The following EXOC2 variants were observed in gnomAD, a reference collection of about 807,000 sequenced individuals.
The protein encoded by EXOC2 is SEC5-like 1.
In EXOC2, 70 loss-of-function variants were observed where a neutral mutation model predicts 131.8. That is an observed-to-expected ratio of 0.53 (90% confidence interval 0.44 to 0.65). The LOEUF (loss-of-function observed/expected upper bound fraction) is 0.65. Among genes scored for constraint, EXOC2 ranks in the 30% least tolerant of loss-of-function variants. EXOC2 has a pLI of 0.00. For synonymous variants in EXOC2, 411 were observed against 398.4 expected (o/e 1.03, Z -0.38); for missense variants, 923 against 1,108.6 (o/e 0.83, Z 2.38).
At chr6:685,031 C>G (rs932816700) in intron 1 of EXOC2, among the ~76,000 whole-genome samples, 1 of 152,100 alleles carries the variant, frequency 6.6e-6, no homozygotes, top group African/African-American at 2.4e-5. Context: ...AGGATAACCT[C>G]TACTCAACAG....
At chr6:623,998 A>T (rs1190841889) in intron 4 of EXOC2, among the ~76,000 whole-genome samples, 1 of 152,214 alleles carries the variant, frequency 6.6e-6, no homozygotes, top group African/African-American at 2.4e-5. Context: ...TCTGCCATCA[A>T]TGAATATTGT....
At chr6:594,630 G>T (rs1025811277) in intron 10 of EXOC2, among the ~76,000 whole-genome samples, 9 of 152,202 alleles carry the variant, frequency 5.9e-5, no homozygotes, top group African/African-American at 2.2e-4. Flanking sequence ...TACATTATAC[G>T]TCTCTTTAAA....
rs771265238 is a variant in EXOC2, at chr6:633,188, AT to A, written c.119-72del. ...ATAAGACCTTAATCGTGTAGATTAC[AT>A]TTTTTAAATCTAGTCTTGTTCAATA... On this transcript the variant is annotated intron_variant, in intron 2 of 27. Transcript: ENST00000230449. 81 of 1,498,746 alleles carry A rather than the reference AT, an allele frequency of 5.4e-5. No homozygotes were observed. In the Middle Eastern group the frequency reaches 2.1e-3, roughly 39 times the overall value. The allele number at this position is 1,498,746 out of a possible 1,614,324, so 92.8% of individuals were successfully genotyped here.
Position 571,879 on chromosome 6 carries a change from G to A in EXOC2, c.1443+641C>T, listed in dbSNP as rs1758294643. Among the ~76,000 whole-genome samples the A allele has an allele frequency of 1.3e-5, 2 of 152,216 alleles. 1 individual carries two copies. The highest frequency in any genetic ancestry group is 4.1e-4 in the South Asian group (2 of 4,830). On this transcript the variant is annotated intron_variant, in intron 13 of 27. Transcript: ENST00000230449. ...GGAGGCCTTTCATGGCGCACTTGAG[G>A]TGAGGTTAGAAAGTGACTGACTTCC...
intron 23 of EXOC2, among the ~76,000 whole-genome samples, chr6:517,679 A>G (rs1051220196): frequency 6.6e-6 from 1 of 152,282 alleles, no homozygotes; most frequent in Non-Finnish European, 1.5e-5. Context: ...TACCAAGCTG[A>G]TAACACTTGA....
At chr6:559,545 G>A (rs1757591695) in intron 17 of EXOC2, among the ~76,000 whole-genome samples, 1 of 152,124 alleles carries the variant, frequency 6.6e-6, no homozygotes, top group East Asian at 1.9e-4. Flanking sequence ...CATTCGCAAG[G>A]TGCACTGGGG....
At chr6:658,670 T>TATATATATATATATA (rs1332684843) in intron 1 of EXOC2, among the ~76,000 whole-genome samples, 17 of 137,078 alleles carry the variant, frequency 1.2e-4, no homozygotes, top group South Asian at 4.8e-4. Context: ...TATATATTTT[T>TATATATATATATATA]TTTTTTTTTA....
At chr6:626,239 G>A (rs1761560803) in intron 4 of EXOC2, among the ~76,000 whole-genome samples, 1 of 152,136 alleles carries the variant, frequency 6.6e-6, no homozygotes, top group South Asian at 2.1e-4. Flanking sequence ...AAAAACATCA[G>A]TTAAAAATTT....
chr6:555,264 A>G lies in EXOC2; in HGVS notation c.2017T>C (p.Leu673=), dbSNP rs761682995. 2 of 1,528,898 alleles carry G rather than the reference A, an allele frequency of 1.3e-6. No individual in the cohort carries two copies. Among genetic ancestry groups the G allele is most frequent in the East Asian group, 2.3e-5 (1 of 43,720 alleles). 94.7% of individuals were successfully genotyped at this position (1,528,898 alleles called of 1,614,324 possible). ...ATATCTGCATCAGGCTTGGTGCTCA[A>G]CTGTTCCAGACAGTATATAAAAACC... ...MQVFIYCLEQ[L]STKPDADIDT... The change falls in exon 20 of 28, where the codon TTG becomes CTG. Residue 673 remains leucine (L), a synonymous_variant. Transcript: ENST00000230449.
intron 1 of EXOC2, chr6:656,453 C>G (rs901504026): frequency 2.0e-5 from 33 of 1,612,886 alleles, no homozygotes; most frequent in Non-Finnish European, 2.6e-5. Context: ...TGCTCCTCAG[C>G]GTCCTCCAGC....
chr6:565,422 T>A (rs1264626829), intron 13 of EXOC2, among the ~76,000 whole-genome samples: 3 of 152,352 alleles, frequency 2.0e-5, no homozygotes, highest in African/African-American at 4.8e-5. Flanking sequence ...ATTCTAGAAT[T>A]AATTTTTGTT....
chr6:638,205 T>C (rs1321408756), intron 1 of EXOC2, among the ~76,000 whole-genome samples: 1 of 152,218 alleles, frequency 6.6e-6, no homozygotes, highest in Non-Finnish European at 1.5e-5. Context: ...TCTACTGTTC[T>C]ACCCCCAGGG....
intron 6 of EXOC2, among the ~76,000 whole-genome samples, chr6:615,733 A>T (rs556927986): frequency 6.6e-6 from 1 of 151,950 alleles, no homozygotes; most frequent in Non-Finnish European, 1.5e-5. Flanking sequence ...AGAAAAAAAA[A>T]AAAAAAGAAA....
At chr6:535,905 G>T (rs1455002877) in intron 22 of EXOC2, among the ~76,000 whole-genome samples, 1 of 152,160 alleles carries the variant, frequency 6.6e-6, no homozygotes, top group Non-Finnish European at 1.5e-5. Flanking sequence ...CAAACTATTG[G>T]CAAATAGAAA....
At chr6:672,058 C>G (rs1763899667) in intron 1 of EXOC2, among the ~76,000 whole-genome samples, 1 of 152,090 alleles carries the variant, frequency 6.6e-6, no homozygotes, top group Non-Finnish European at 1.5e-5. Context: ...CTTCTTGGTT[C>G]CCACTATACA....
intron 23 of EXOC2, among the ~76,000 whole-genome samples, chr6:515,509 C>G (rs929895897): frequency 6.6e-6 from 1 of 152,216 alleles, no homozygotes; most frequent in African/African-American, 2.4e-5. Flanking sequence ...TGAGCACAGA[C>G]AGCAGGTTCA....
intron 1 of EXOC2, chr6:656,215 G>C (rs1561978754): frequency 2.5e-6 from 4 of 1,614,192 alleles, no homozygotes; most frequent in Non-Finnish European, 8.5e-7. Flanking sequence ...GGATGTATTT[G>C]CTGTCCCTCC....
chr6:599,854 GTT>G (rs11354127), intron 7 of EXOC2, among the ~76,000 whole-genome samples: 69 of 146,160 alleles, frequency 4.7e-4, no homozygotes, highest in Admixed American at 1.8e-3. Context: ...CATTTCCTAA[GTT>G]TTTTTTTTTT....
At chr6:617,300 G>A (rs1254536969) in intron 6 of EXOC2, among the ~76,000 whole-genome samples, 3 of 152,330 alleles carry the variant, frequency 2.0e-5, no homozygotes, top group Admixed American at 6.5e-5. Context: ...GCGTGCATAC[G>A]TGGGCGCCTG....
Sources: allele counts gnomAD v4.1 joint callset (sites outside exome capture counted in the v4.1 genomes callset), GRCh38; gene constraint gnomAD v4.1.1; transcripts MANE v1.5; gene names NCBI Gene and HGNC (gene_info 2026-07-23, HGNC 2026-07-21).